The following CCDC60 variants were observed in gnomAD, a reference collection of about 807,000 sequenced individuals.
The protein encoded by CCDC60 is coiled-coil domain containing 60.
CCDC60 carries 54 observed loss-of-function variants against 63.5 expected under a neutral mutation model. The observed-to-expected ratio is 0.85, with a 90% CI of 0.68 to 1.07. The LOEUF (loss-of-function observed/expected upper bound fraction) is 1.07, where lower values mean the gene tolerates loss of function less well. Among genes scored for constraint, CCDC60 ranks in the 50% least tolerant of loss-of-function variants. The probability of loss-of-function intolerance (pLI) is 0.00; values close to 1 mark genes in which losing one functional copy is unlikely to be tolerated. For missense variants in CCDC60, 651 were observed against 684.3 expected, an observed-to-expected ratio of 0.95 and a Z score of 0.54; for synonymous variants, 206 against 238.8, an observed-to-expected ratio of 0.86 and a Z score of 1.27.
chr12:119,383,368 C>T (rs929479991), intron 1 of CCDC60, among the ~76,000 whole-genome samples: 4 of 152,214 alleles, frequency 2.6e-5, no homozygotes, highest in African/African-American at 9.6e-5. Flanking sequence ...GAAGCTATAC[C>T]GACCACATGG....
At chr12:119,337,697 G>A (rs11611983) in intron 1 of CCDC60, among the ~76,000 whole-genome samples, 13,508 of 152,202 alleles carry the variant, frequency 0.089, 785 homozygotes, top group Non-Finnish European at 0.13. Context: ...TTGGGATGGG[G>A]AGTAAAAGAG....
At chr12:119,479,020 C>T (rs1353587586) in intron 3 of CCDC60, 74 bp from the exon 4 acceptor site, 5 of 1,003,968 alleles carry the variant, frequency 5.0e-6, no homozygotes, top group Non-Finnish European at 6.3e-6. Context: ...GCCGAATAGA[C>T]CGTGGCAAGA....
At position 119,494,977 on chromosome 12, in the gene CCDC60, G is replaced by A. The variant is rs533489914; in HGVS notation, c.558-5101G>A. Reference sequence around the variant, plus strand: ...GCCTGGGCAACAAAAGCAAATCTCCGTCTCAAATATGACACAAACATCAAA... The same window carrying A: ...GCCTGGGCAACAAAAGCAAATCTCCATCTCAAATATGACACAAACATCAAA... On this transcript the variant is annotated intron_variant, in intron 5 of 13. Transcript: ENST00000327554. Among the ~76,000 whole-genome samples, 38 of 152,242 alleles carry A rather than the reference G, an allele frequency of 2.5e-4. No individual in the cohort carries two copies. In the East Asian group the frequency reaches 4.4e-3, roughly 18 times the overall value.
intron 11 of CCDC60, among the ~76,000 whole-genome samples, chr12:119,524,721 C>CTTTTTTTTTTTT (rs55694840): frequency 3.7e-4 from 37 of 99,020 alleles, no homozygotes; most frequent in East Asian, 2.6e-3. Context: ...CTTTTCTTTT[C>CTTTTTTTTTTTT]TTTTTTTTTT....
chr12:119,468,099 C>G (rs938142056), intron 2 of CCDC60, among the ~76,000 whole-genome samples: 1 of 151,830 alleles, frequency 6.6e-6, no homozygotes, highest in Non-Finnish European at 1.5e-5. Flanking sequence ...ATAGTGAAAC[C>G]TCGTCTCTAC....
intron 3 of CCDC60, 111 bp downstream of exon 3, chr12:119,472,275 C>A: frequency 2.1e-6 from 2 of 970,412 alleles, no homozygotes; most frequent in South Asian, 1.6e-5. Context: ...CGTGCCCCTT[C>A]TCAGCCTGGC....
intron 1 of CCDC60, among the ~76,000 whole-genome samples, chr12:119,366,986 C>A (rs1955847010): frequency 6.6e-6 from 1 of 152,156 alleles, no homozygotes; most frequent in Admixed American, 6.5e-5. Context: ...GCACCCGCCA[C>A]CATGCCTGGC....
At chr12:119,501,716 TA>T (rs932988535) in intron 6 of CCDC60, among the ~76,000 whole-genome samples, 1 of 152,016 alleles carries the variant, frequency 6.6e-6, no homozygotes, top group African/African-American at 2.4e-5. Context: ...TACAAACCTT[TA>T]AAAAAAGTCC....
chr12:119,500,184 C>A lies in CCDC60; in HGVS notation c.648+16C>A. On this transcript the variant is annotated intron_variant, in intron 6 of 13. Coordinates refer to ENST00000327554, the MANE Select transcript of CCDC60 (RefSeq NM_178499.5). ...AGCGCCAAAGGTAACCAACAACACG[C>A]GACTCAACCCTTTGGCTCCTAGGTC... The A allele has an allele frequency of 6.5e-7, 1 of 1,528,038 alleles. No homozygotes were observed. Among genetic ancestry groups the A allele is most frequent in the Non-Finnish European group, 9.0e-7 (1 of 1,108,178 alleles). 94.7% of individuals were successfully genotyped at this position (1,528,038 alleles called of 1,614,324 possible).
chr12:119,465,351 C>T (rs1375951374), intron 2 of CCDC60, among the ~76,000 whole-genome samples: 2 of 151,976 alleles, frequency 1.3e-5, no homozygotes, highest in African/African-American at 2.4e-5. Flanking sequence ...TCTGAACCCA[C>T]CTATGACCTA....
chr12:119,481,902 C>T (rs1400278660), intron 4 of CCDC60, among the ~76,000 whole-genome samples: 1 of 150,450 alleles, frequency 6.6e-6, no homozygotes, highest in African/African-American at 2.4e-5. Context: ...AGTCTTCAAC[C>T]TCATCCAAAT....
At chr12:119,398,675 A>T (rs958898300) in intron 1 of CCDC60, among the ~76,000 whole-genome samples, 2 of 152,262 alleles carry the variant, frequency 1.3e-5, no homozygotes, top group Non-Finnish European at 1.5e-5. Flanking sequence ...TTTCACTGAT[A>T]AAAGTGGTCA....
intron 7 of CCDC60, among the ~76,000 whole-genome samples, chr12:119,513,030 A>G (rs1952254529): frequency 6.6e-6 from 1 of 152,192 alleles, no homozygotes; most frequent in South Asian, 2.1e-4. Flanking sequence ...ATTCTGGTGT[A>G]GTCACAGTCA....
intron 1 of CCDC60, among the ~76,000 whole-genome samples, chr12:119,408,620 G>A (rs11612392): frequency 0.058 from 8,768 of 152,220 alleles, 367 homozygotes; most frequent in Non-Finnish European, 0.086. Flanking sequence ...TCAGGAGATC[G>A]AAACCATCCT....
chr12:119,338,879 A>C (rs113665936), intron 1 of CCDC60, among the ~76,000 whole-genome samples: 86 of 152,004 alleles, frequency 5.7e-4, no homozygotes, highest in African/African-American at 2.0e-3. Context: ...GTTGGAAAAA[A>C]CCTCAAAAGG....
intron 6 of CCDC60, among the ~76,000 whole-genome samples, chr12:119,502,394 C>T (rs1951876554): frequency 6.6e-6 from 1 of 152,108 alleles, no homozygotes; most frequent in Non-Finnish European, 1.5e-5. Context: ...TCCTCCGTTG[C>T]CAAAAATCAG....
chr12:119,488,543 CCT>C (rs1041652087), intron 4 of CCDC60, among the ~76,000 whole-genome samples: 4 of 152,194 alleles, frequency 2.6e-5, no homozygotes, highest in African/African-American at 9.7e-5. Flanking sequence ...GTCCTGTGAG[CCT>C]CTGATTCCTC....
rs751408626 is a variant in CCDC60 at position 119,530,899 on chromosome 12, C to T, written c.1387C>T (p.Pro463Ser). The change falls in exon 13 of 14, where the codon CCA (proline) becomes TCA (serine). Residue 463 changes from proline (P) to serine (S), a missense_variant. By Grantham distance (74) the Pro-to-Ser change is moderately conservative (BLOSUM62 -1). Transcript: ENST00000327554. Reference protein sequence around the residue: ...HWYFDLLSKLPEDLKNFRPAK... With the variant: ...HWYFDLLSKLSEDLKNFRPAK... ...GTACTTTGATCTGTTGTCCAAACTG[C>T]CAGAGGATCTAAAGAACTTCCGCCC... 4.3e-6 allele frequency: 7 copies of T among 1,613,952 alleles called. No individual in the cohort carries two copies. In the South Asian group the frequency reaches 5.5e-5, roughly 13 times the overall value.
intron 2 of CCDC60, among the ~76,000 whole-genome samples, chr12:119,450,181 T>C (rs897736647): frequency 6.6e-6 from 1 of 151,454 alleles, no homozygotes; most frequent in Non-Finnish European, 1.5e-5. Context: ...AATTATTGCG[T>C]GTTCTTATTT....
Sources: gnomAD v4.1 joint callset for allele counts (sites outside exome capture counted in the v4.1 genomes callset) on GRCh38, gnomAD v4.1.1 for gene constraint, MANE v1.5 for transcripts, NCBI Gene and HGNC (gene_info 2026-07-23, HGNC 2026-07-21) for gene names.